Variants in DGKG observed in about 807,000 individuals in gnomAD.
The protein encoded by DGKG is diacylglycerol kinase gamma, also known as DAG kinase gamma.
DGKG carries 78 observed loss-of-function variants against 105.3 expected under a neutral mutation model. The ratio of observed to expected loss-of-function variants is 0.74; its 90% CI spans 0.62 to 0.89. The LOEUF (loss-of-function observed/expected upper bound fraction) is 0.89. Among genes scored for constraint, DGKG ranks in the 40% least tolerant of loss-of-function variants. The pLI is 0.00. For missense variants in DGKG, 958 were observed against 1,020.1 expected (o/e 0.94, Z 0.83); for synonymous variants, 346 against 367.1 (o/e 0.94, Z 0.66).
In DGKG at chr3:186,257,851, T is replaced by C. The variant is rs1429203882; in HGVS notation, c.1510+3A>G. 2 of 1,612,348 alleles carry C rather than the reference T, an allele frequency of 1.2e-6. No homozygotes were observed. The highest frequency in any genetic ancestry group is 8.5e-7 in the Non-Finnish European group (1 of 1,178,510). On this transcript the variant is annotated splice_donor_region_variant and intron_variant, in intron 17 of 24. Transcript: ENST00000265022. ...AGCAAACGCCCTCTCAGCCCATGCT[T>C]ACCAATGCAATCCAAAATCCAGCCA...
chr3:186,271,495 C>T (rs1000548637), intron 11 of DGKG, among the ~76,000 whole-genome samples: 14 of 152,182 alleles, frequency 9.2e-5, no homozygotes, highest in Non-Finnish European at 1.6e-4. Flanking sequence ...CAGCGCAGTA[C>T]TGCCTTTTAC....
intron 19 of DGKG, 66 bp from the exon 20 acceptor site, chr3:186,242,634 G>C: frequency 7.2e-7 from 1 of 1,381,530 alleles, no homozygotes; most frequent in Non-Finnish European, 1.0e-6. Context: ...CGGAGGGAAG[G>C]GACGCACGCA....
chr3:186,359,956 AG>A (rs1042181072), intron 1 of DGKG, among the ~76,000 whole-genome samples: 6 of 152,192 alleles, frequency 3.9e-5, no homozygotes, highest in Admixed American at 6.5e-5. Flanking sequence ...CACAAAGAAA[AG>A]GTACTTCCCC....
rs537844015 is a variant in DGKG, at chr3:186,149,986, G to A, written c.*104C>T. 210 of 1,219,658 alleles carry A rather than the reference G, an allele frequency of 1.7e-4. 1 individual carries two copies. In the African/African-American group the frequency reaches 2.9e-3, roughly 17 times the overall value. 75.6% of individuals were successfully genotyped at this position (1,219,658 alleles called of 1,614,324 possible). ...CCACTGGTTAGAGAAGAGTGTGTAT[G>A]TGTGTGTGTGTGTGCATGTGTGAGT... On this transcript the variant is annotated 3_prime_UTR_variant, in exon 25 of 25. Transcript: ENST00000265022.
At chr3:186,355,258 C>CCACTATCAT (rs1221871072) in intron 1 of DGKG, among the ~76,000 whole-genome samples, 1 of 69,212 alleles carries the variant, frequency 1.4e-5, no homozygotes, top group Non-Finnish European at 3.6e-5. Flanking sequence ...ACCACCAACA[C>CCACTATCAT]CAACACCACT....
Position 186,203,909 on chromosome 3 carries a change from T to A in DGKG, c.1917+7886A>T, listed in dbSNP as rs1340975161. 6.6e-6 allele frequency among the ~76,000 whole-genome samples: 1 copy of A among 152,170 alleles called. No individual in the cohort carries two copies. Among genetic ancestry groups the A allele is most frequent in the Non-Finnish European group, 1.5e-5 (1 of 68,022 alleles). ...TACCTGTGGTAGCTGAGAAGAAGGT[T>A]CAGATCATATCAGGAGAGACCAAGA... On this transcript the variant is annotated intron_variant, in intron 21 of 24. Transcript: ENST00000265022. The surrounding 1 kb of genome is among the most constrained non-coding windows in gnomAD (Gnocchi z 4.9).
intron 14 of DGKG, among the ~76,000 whole-genome samples, chr3:186,262,346 C>T (rs1191766808): frequency 1.3e-5 from 2 of 152,152 alleles, no homozygotes; most frequent in Admixed American, 6.5e-5. Context: ...GAAACTCGGC[C>T]TTTCTCTTGG....
intron 22 of DGKG, among the ~76,000 whole-genome samples, chr3:186,180,207 G>C (rs942242042): frequency 6.6e-6 from 1 of 152,124 alleles, no homozygotes; most frequent in Non-Finnish European, 1.5e-5. Context: ...AGGGAACATG[G>C]GTACGGGGAG....
intron 22 of DGKG, among the ~76,000 whole-genome samples, chr3:186,181,998 C>T (rs1056557984): frequency 2.0e-5 from 3 of 152,226 alleles, no homozygotes; most frequent in Admixed American, 2.0e-4. Flanking sequence ...AATGGCATAG[C>T]TCCCCAGGAC....
intron 22 of DGKG, among the ~76,000 whole-genome samples, chr3:186,171,866 T>TC (rs1310264928): frequency 6.6e-6 from 1 of 151,916 alleles, no homozygotes; most frequent in Non-Finnish European, 1.5e-5. Context: ...TTTTTTTTTT[T>TC]CCCCCGATAT....
chr3:186,222,669 C>T (rs1487831018), intron 20 of DGKG, among the ~76,000 whole-genome samples: 1 of 151,646 alleles, frequency 6.6e-6, no homozygotes, highest in Non-Finnish European at 1.5e-5. Context: ...ATGGTGACAC[C>T]CTGTCTCTAC....
At chr3:186,325,255 G>A (rs1025035437) in intron 1 of DGKG, among the ~76,000 whole-genome samples, 4 of 152,164 alleles carry the variant, frequency 2.6e-5, no homozygotes, top group African/African-American at 9.7e-5. Context: ...GCAGGGGGAA[G>A]GGGCAAAGGC....
intron 21 of DGKG, among the ~76,000 whole-genome samples, chr3:186,191,882 T>C (rs1717925073): frequency 6.6e-6 from 1 of 152,258 alleles, no homozygotes; most frequent in South Asian, 2.1e-4. Context: ...TTCTTTTCTT[T>C]TCAGTGTGAT....
chr3:186,209,738 T>C (rs111557800), intron 21 of DGKG, among the ~76,000 whole-genome samples: 1,732 of 152,138 alleles, frequency 0.011, 40 homozygotes, highest in South Asian at 0.065. Flanking sequence ...CTTACACCTG[T>C]TACCCCCATG....
chr3:186,162,180 G>A (rs1001648871), intron 23 of DGKG, among the ~76,000 whole-genome samples: 4 of 152,368 alleles, frequency 2.6e-5, no homozygotes, highest in African/African-American at 9.6e-5. Context: ...ACAGGCATGA[G>A]CCACTGCGCT....
chr3:186,190,791 C>G (rs77534225), intron 21 of DGKG, among the ~76,000 whole-genome samples: 1 of 152,168 alleles, frequency 6.6e-6, no homozygotes, highest in Non-Finnish European at 1.5e-5. Flanking sequence ...CTTTTGTCAT[C>G]GCGTTCCCAT....
intron 20 of DGKG, among the ~76,000 whole-genome samples, chr3:186,239,727 G>C (rs923423644): frequency 5.9e-5 from 9 of 152,140 alleles, no homozygotes; most frequent in Admixed American, 1.3e-4. Context: ...AAATCCGTGG[G>C]CCTGTCACCA....
At chr3:186,229,228 A>G (rs1446526664) in intron 20 of DGKG, among the ~76,000 whole-genome samples, 4 of 149,694 alleles carry the variant, frequency 2.7e-5, no homozygotes, top group African/African-American at 7.5e-5. Context: ...CCCTGCTGAC[A>G]TCCTTCAGAC....
At position 186,150,416 on chromosome 3, in the gene DGKG, C is replaced by T. The variant is rs148158529; in HGVS notation, c.2278-228G>A. Among the ~76,000 whole-genome samples the T allele has an allele frequency of 3.5e-4, 53 of 152,230 alleles. 1 individual carries two copies. Among genetic ancestry groups the T allele is most frequent in the African/African-American group, 1.2e-3 (51 of 41,540 alleles). On this transcript the variant is annotated intron_variant, in intron 24 of 24. Coordinates refer to ENST00000265022, the MANE Select transcript of DGKG (RefSeq NM_001346.3). ...AGCACTGGGGAGAGACAGGTGTGAG[C>T]TTCCCACGTGGTGATCAGCTCACAC...
Sources: allele counts gnomAD v4.1 joint callset (sites outside exome capture counted in the v4.1 genomes callset), GRCh38; gene constraint gnomAD v4.1.1; non-coding constraint Gnocchi (gnomAD v3.1); transcripts MANE v1.5; gene names NCBI Gene and HGNC (gene_info 2026-07-23, HGNC 2026-07-21).